VPS37C: variants seen among roughly 807,000 people sequenced by gnomAD.
The protein encoded by VPS37C is VPS37C subunit of ESCRT-I, also known as vacuolar protein sorting-associated protein 37C.
VPS37C carries 9 observed loss-of-function variants against 16.1 expected under a neutral mutation model. That is an observed-to-expected ratio of 0.56 (90% CI 0.34 to 0.97). VPS37C has a LOEUF of 0.97. VPS37C is among the 50% of genes least tolerant of loss of function. VPS37C has a pLI of 0.02. For synonymous variants in VPS37C, 207 were observed against 206.4 expected (o/e 1.00, Z -0.02); for missense variants, 479 against 472.7 (o/e 1.01, Z -0.12).
chr11:61,147,917 T>C (rs1258017164), intron 1 of VPS37C, among the ~76,000 whole-genome samples: 1 of 152,224 alleles, frequency 6.6e-6, no homozygotes, highest in African/African-American at 2.4e-5. Flanking sequence ...GTTTGTGCTT[T>C]GGCTCCACAG....
chr11:61,139,380 CT>C (rs1325004857), intron 1 of VPS37C, among the ~76,000 whole-genome samples: 1 of 152,104 alleles, frequency 6.6e-6, no homozygotes, highest in East Asian at 1.9e-4. Context: ...CAGAATTCCC[CT>C]TAACTGCAGC....
intron 3 of VPS37C, 22 bp from the exon 4 acceptor site, chr11:61,133,359 C>T (rs766408674): frequency 1.2e-6 from 2 of 1,612,230 alleles, no homozygotes; most frequent in Non-Finnish European, 1.7e-6. Flanking sequence ...GGCAGAACGA[C>T]TGACATTTGA....
At position 61,133,310 on chromosome 11, in the gene VPS37C, C is replaced by T. The variant is rs747850754; in HGVS notation, c.293G>A (p.Gly98Glu). ...CACCTGCAGAAGGTCTAACAAGGTC[C>T]CTGGCTGCAGTGCTGAAGAAAATTT... ...LEKFSSALQP[G>E]TLLDLLQVEG... The change falls in exon 4 of 5, where the codon GGG (glycine) becomes GAG (glutamate). Residue 98 changes from glycine (G) to glutamate (E), a missense_variant. Gly to Glu is a moderately conservative substitution (Grantham distance 98). Coordinates refer to ENST00000301765, the MANE Select transcript of VPS37C (RefSeq NM_017966.5). The T allele has an allele frequency of 6.2e-7, 1 of 1,614,118 alleles. No homozygotes were observed. Among genetic ancestry groups the T allele is most frequent in the Non-Finnish European group, 8.5e-7 (1 of 1,180,004 alleles).
intron 1 of VPS37C, among the ~76,000 whole-genome samples, chr11:61,152,027 C>T (rs897352358): frequency 6.6e-6 from 1 of 152,200 alleles, no homozygotes; most frequent in Non-Finnish European, 1.5e-5. Context: ...TCCATCCTCC[C>T]CCAGCCCACT....
At chr11:61,157,638 C>A (rs1157915016) in intron 1 of VPS37C, among the ~76,000 whole-genome samples, 1 of 152,160 alleles carries the variant, frequency 6.6e-6, no homozygotes, top group African/African-American at 2.4e-5. Flanking sequence ...GAAATCAATT[C>A]CTAACACTAT....
In VPS37C at chr11:61,132,013, G is replaced by A. The variant is rs1226408435; in HGVS notation, c.875C>T (p.Pro292Leu). 4 of 1,375,772 alleles carry A rather than the reference G, an allele frequency of 2.9e-6. No homozygotes were observed. The East Asian group carries it at 8.9e-5, about 31-fold the overall frequency. The allele number at this position is 1,375,772 out of a possible 1,614,324, so 85.2% of individuals were successfully genotyped here. The change falls in exon 5 of 5, where the codon CCC (proline) becomes CTC (leucine). Residue 292 changes from proline (P) to leucine (L), a missense_variant. Pro to Leu is a moderately conservative substitution (Grantham distance 98). Coordinates refer to ENST00000301765, the MANE Select transcript of VPS37C (RefSeq NM_017966.5). Reference sequence around the variant, plus strand: ...GGACTGTTGAGGATAACCAGGACTGGGGGCCCTGCCTCCCCGCAAGGGGTA... The same window carrying A: ...GGACTGTTGAGGATAACCAGGACTGAGGGCCCTGCCTCCCCGCAAGGGGTA... ...PGYPLRGGRAPSPGYPQQSPY... is the reference protein window; with the variant it reads ...PGYPLRGGRALSPGYPQQSPY...
At position 61,130,578 on chromosome 11, in the gene VPS37C, C is replaced by A. The variant is rs1213021644; in HGVS notation, c.*1242G>T. ...CTTCCTAAGCAATAGCAGCTCCAGG[C>A]TCTTCCCTGAGACCTGGTTTACCTC... On this transcript the variant is annotated 3_prime_UTR_variant, in exon 5 of 5. Coordinates refer to ENST00000301765, the MANE Select transcript of VPS37C (RefSeq NM_017966.5). 1 of 261,516 alleles carries A rather than the reference C, an allele frequency of 3.8e-6. No homozygotes were observed. The highest frequency in any genetic ancestry group is 2.4e-5 in the African/African-American group (1 of 42,106). 16.2% of individuals were successfully genotyped at this position (261,516 alleles called of 1,614,324 possible). A position where few individuals can be genotyped will look rare whatever the true frequency, so the allele number is the denominator to read the frequency against.
At chr11:61,154,660 T>C (rs1853351976) in intron 1 of VPS37C, among the ~76,000 whole-genome samples, 1 of 152,144 alleles carries the variant, frequency 6.6e-6, no homozygotes, top group Non-Finnish European at 1.5e-5. Flanking sequence ...AAAAAAAATA[T>C]TTGCAGAGTT....
In VPS37C at chr11:61,131,641, G is replaced by C; in HGVS notation, c.*179C>G. On this transcript the variant is annotated 3_prime_UTR_variant, in exon 5 of 5. Transcript: ENST00000301765. ...AGGAGGACCTCTGGCCAGAAGGCCA[G>C]CAAGTGCCATGACCAGTCACACCGC... 2.2e-6 allele frequency: 2 copies of C among 907,016 alleles called. No individual in the cohort carries two copies. Among genetic ancestry groups the C allele is most frequent in the Non-Finnish European group, 2.9e-6 (2 of 691,918 alleles). The allele number at this position is 907,016 out of a possible 1,614,324, so 56.2% of individuals were successfully genotyped here.
intron 1 of VPS37C, among the ~76,000 whole-genome samples, chr11:61,150,716 C>G (rs1853285206): frequency 6.6e-6 from 1 of 152,090 alleles, no homozygotes. Context: ...CGCCCTAACC[C>G]CCTACCCCGC....
intron 1 of VPS37C, among the ~76,000 whole-genome samples, chr11:61,141,023 C>CA (rs1297682222): frequency 2.6e-5 from 4 of 152,030 alleles, no homozygotes; most frequent in African/African-American, 7.2e-5. Flanking sequence ...CCAGCCTAGG[C>CA]AATATAGCAT....
At position 61,132,864 on chromosome 11, in the gene VPS37C, G is replaced by T. The variant is rs545711707; in HGVS notation, c.349-325C>A. On this transcript the variant is annotated intron_variant, in intron 4 of 4. Transcript: ENST00000301765. Reference sequence around the variant, plus strand: ...GAGCACTAGCCCAGGGACTGGGAGGGCCTAGAAGCTTCTTCCACCCAGACA... The same window carrying T: ...GAGCACTAGCCCAGGGACTGGGAGGTCCTAGAAGCTTCTTCCACCCAGACA... The T allele has an allele frequency of 1.1e-4, 58 of 539,364 alleles. No homozygotes were observed. The Middle Eastern group carries it at 2.6e-3, about 24-fold the overall frequency. 33.4% of individuals were successfully genotyped at this position (539,364 alleles called of 1,614,324 possible).
chr11:61,159,443 G>A (rs1415340357), intron 1 of VPS37C, among the ~76,000 whole-genome samples: 1 of 152,198 alleles, frequency 6.6e-6, no homozygotes, highest in Non-Finnish European at 1.5e-5. Context: ...AACGGTCTGA[G>A]AGGCAGTATC....
chr11:61,133,285 C>T lies in VPS37C; in HGVS notation c.318G>A (p.Val106=), dbSNP rs779947251. The T allele has an allele frequency of 1.5e-5, 25 of 1,614,058 alleles. No homozygotes were observed. The highest frequency in any genetic ancestry group is 4.2e-6 in the Non-Finnish European group (5 of 1,180,028). The change falls in exon 4 of 5, where the codon GTG becomes GTA. Residue 106 remains valine, a synonymous_variant. Coordinates refer to ENST00000301765, the MANE Select transcript of VPS37C (RefSeq NM_017966.5). ...QPGTLLDLLQ[V]EGMKIEEESE... is the part of the protein sequence containing the mutation. ...ACTCTTCTTCGATCTTCATGCCTTC[C>T]ACCTGCAGAAGGTCTAACAAGGTCC...
rs1339818243 is a variant in VPS37C, at chr11:61,130,664, T to A, written c.*1156A>T. On this transcript the variant is annotated 3_prime_UTR_variant, in exon 5 of 5. Coordinates refer to ENST00000301765, the MANE Select transcript of VPS37C (RefSeq NM_017966.5). ...TGTCTATTGTATTCATTCTTATTACTGAACATGCCCCAAACCCCACAGTGC... is the reference window on the plus strand; with the variant it reads ...TGTCTATTGTATTCATTCTTATTACAGAACATGCCCCAAACCCCACAGTGC... The A allele has an allele frequency of 6.3e-6, 2 of 318,986 alleles. No individual in the cohort carries two copies. The highest frequency in any genetic ancestry group is 1.2e-5 in the Non-Finnish European group (2 of 170,278). 19.8% of individuals were successfully genotyped at this position (318,986 alleles called of 1,614,324 possible).
At chr11:61,140,087 G>A (rs976470110) in intron 1 of VPS37C, among the ~76,000 whole-genome samples, 2 of 152,118 alleles carry the variant, frequency 1.3e-5, no homozygotes, top group African/African-American at 4.8e-5. Context: ...GATTATGTTA[G>A]TTTTCAAAAG....
Position 61,130,639 on chromosome 11 carries a change from T to G in VPS37C, c.*1181A>C, listed in dbSNP as rs1453203968. ...AAGTTAACACTCATCACACCCCCTT[T>G]GTCTATTGTATTCATTCTTATTACT... On this transcript the variant is annotated 3_prime_UTR_variant, in exon 5 of 5. Coordinates refer to ENST00000301765, the MANE Select transcript of VPS37C (RefSeq NM_017966.5). 2 of 295,564 alleles carry G rather than the reference T, an allele frequency of 6.8e-6. No individual in the cohort carries two copies. 18.3% of individuals were successfully genotyped at this position (295,564 alleles called of 1,614,324 possible).
At chr11:61,142,745 G>T (rs1217981659) in intron 1 of VPS37C, among the ~76,000 whole-genome samples, 1 of 138,132 alleles carries the variant, frequency 7.2e-6, no homozygotes, top group Non-Finnish European at 1.5e-5. Flanking sequence ...ACCTCCAGGA[G>T]TCCCCCTGAA....
At chr11:61,139,575 G>A (rs1362044519) in intron 1 of VPS37C, among the ~76,000 whole-genome samples, 1 of 152,090 alleles carries the variant, frequency 6.6e-6, no homozygotes, top group Non-Finnish European at 1.5e-5. Context: ...TCTGCCTAGA[G>A]GGCCATCGAT....
Sources: gnomAD v4.1 joint callset for allele counts (sites outside exome capture counted in the v4.1 genomes callset) on GRCh38, gnomAD v4.1.1 for gene constraint, MANE v1.5 for transcripts, NCBI Gene and HGNC (gene_info 2026-07-23, HGNC 2026-07-21) for gene names.